The following GMDS variants were observed in gnomAD, a reference collection of about 807,000 sequenced individuals.
The protein encoded by GMDS is GDP-mannose 4,6-dehydratase.
GMDS carries 20 observed loss-of-function variants against 49.9 expected under a neutral mutation model. That is an observed-to-expected ratio of 0.40 (90% CI 0.28 to 0.58). GMDS has a LOEUF of 0.58. Among genes scored for constraint, GMDS ranks in the 20% least tolerant of loss-of-function variants. GMDS has a pLI of 0.42. For synonymous variants in GMDS, 177 were observed against 178.6 expected, an observed-to-expected ratio of 0.99 and a Z score of 0.07; for missense variants, 362 against 481.4, an observed-to-expected ratio of 0.75 and a Z score of 2.32.
chr6:1,880,284 CAAAAAAAAAAAA>C (rs34490393), intron 7 of GMDS, among the ~76,000 whole-genome samples: 6 of 59,112 alleles, frequency 1.0e-4, no homozygotes, highest in African/African-American at 2.9e-4. Context: ...CTCATTTCCA[CAAAAAAAAAAAA>C]AAAAAAAAAA....
chr6:1,858,175 C>T (rs1401007068), intron 7 of GMDS, among the ~76,000 whole-genome samples: 1 of 151,688 alleles, frequency 6.6e-6, no homozygotes, highest in African/African-American at 2.4e-5. Flanking sequence ...ATAAAACAGA[C>T]AAAAAAAGAA....
intron 7 of GMDS, among the ~76,000 whole-genome samples, chr6:1,886,396 T>A (rs1759608976): frequency 6.6e-6 from 1 of 152,186 alleles, no homozygotes; most frequent in Non-Finnish European, 1.5e-5. Flanking sequence ...AAACATAAAT[T>A]AGAGACCCAG....
At chr6:1,975,149 T>C (rs1764828661) in intron 4 of GMDS, among the ~76,000 whole-genome samples, 1 of 152,196 alleles carries the variant, frequency 6.6e-6, no homozygotes, top group African/African-American at 2.4e-5. Flanking sequence ...GCAACGTCTA[T>C]GGCAGCACAC....
At position 1,997,633 on chromosome 6, in the gene GMDS, C is replaced by A. The variant is rs532742564; in HGVS notation, c.346-36667G>T. On this transcript the variant is annotated intron_variant, in intron 4 of 10. Transcript: ENST00000380815. ...CCCTGTGGTGGCTTCCTAAAGGGAT[C>A]ATGATTCTTGTCTGTTCCCAGGAAA... Among the ~76,000 whole-genome samples, 4 of 151,968 alleles carry A rather than the reference C, an allele frequency of 2.6e-5. No individual in the cohort carries two copies. In the South Asian group the frequency reaches 8.3e-4, roughly 32 times the overall value.
At chr6:2,161,916 A>G (rs925050867) in intron 1 of GMDS, among the ~76,000 whole-genome samples, 4 of 152,252 alleles carry the variant, frequency 2.6e-5, no homozygotes, top group African/African-American at 9.6e-5. Flanking sequence ...AGTCACTGTC[A>G]ATAAACTCAA....
At chr6:2,135,325 C>T (rs1209734671) in intron 1 of GMDS, among the ~76,000 whole-genome samples, 1 of 152,104 alleles carries the variant, frequency 6.6e-6, no homozygotes, top group African/African-American at 2.4e-5. Context: ...CAACGTGCTA[C>T]TGTGTGTATT....
intron 9 of GMDS, among the ~76,000 whole-genome samples, chr6:1,719,164 A>G (rs974895084): frequency 6.6e-6 from 1 of 152,234 alleles, no homozygotes; most frequent in Non-Finnish European, 1.5e-5. Context: ...GATCAGAGCT[A>G]CTAAGTTGGG....
chr6:1,674,513 G>C (rs982761347), intron 9 of GMDS, among the ~76,000 whole-genome samples: 1 of 138,646 alleles, frequency 7.2e-6, no homozygotes. Context: ...TGGAGCAGAA[G>C]TTTTTAATTT....
chr6:2,244,661 A>T (rs1044037144), intron 1 of GMDS, among the ~76,000 whole-genome samples: 2 of 152,180 alleles, frequency 1.3e-5, no homozygotes, highest in East Asian at 3.9e-4. Flanking sequence ...TGAAAATGGA[A>T]CTAGCCGCAC....
At position 1,624,091 on chromosome 6, in the gene GMDS, C is replaced by T; in HGVS notation, c.*78G>A. 1 of 1,333,014 alleles carries T rather than the reference C, an allele frequency of 7.5e-7. No individual in the cohort carries two copies. The highest frequency in any genetic ancestry group is 1.1e-6 in the Non-Finnish European group (1 of 943,672). 82.6% of individuals were successfully genotyped at this position (1,333,014 alleles called of 1,614,324 possible). The stretch of plus-strand genomic sequence containing the variant: ...GGACCCGCAGATTGGCACGCCGCTC[C>T]CCATCCCCGCAGCGCGTCTGCACCG... On this transcript the variant is annotated 3_prime_UTR_variant, in exon 11 of 11. Coordinates refer to ENST00000380815, the MANE Select transcript of GMDS (RefSeq NM_001500.4).
intron 1 of GMDS, among the ~76,000 whole-genome samples, chr6:2,223,422 TGATCAGATG>T (rs1780683463): frequency 6.6e-6 from 1 of 150,640 alleles, no homozygotes. Flanking sequence ...CCATCTGACA[TGATCAGATG>T]GTCACTCCAG....
At chr6:1,976,411 C>T (rs1289661102) in intron 4 of GMDS, among the ~76,000 whole-genome samples, 3 of 152,182 alleles carry the variant, frequency 2.0e-5, no homozygotes, top group Non-Finnish European at 1.5e-5. Context: ...GTGCCTGGCA[C>T]ATAACGGGAA....
Position 2,191,243 on chromosome 6 carries a change from G to A in GMDS, c.102+54078C>T, listed in dbSNP as rs986000440. Reference sequence around the variant, plus strand: ...CCCGACCCGCTATCCGCTCCTGGAGGCACCCCCTGGGGAAGGGCCGCAAGC... The same window carrying A: ...CCCGACCCGCTATCCGCTCCTGGAGACACCCCCTGGGGAAGGGCCGCAAGC... On this transcript the variant is annotated intron_variant, in intron 1 of 10. Coordinates refer to ENST00000380815, the MANE Select transcript of GMDS (RefSeq NM_001500.4). The surrounding 1 kb of genome is among the most constrained non-coding windows in gnomAD (Gnocchi z 4.6). 1.3e-5 allele frequency among the ~76,000 whole-genome samples: 2 copies of A among 152,166 alleles called. No homozygotes were observed. Among genetic ancestry groups the A allele is most frequent in the African/African-American group, 4.8e-5 (2 of 41,434 alleles).
At chr6:1,733,487 G>A (rs1162754042) in intron 8 of GMDS, among the ~76,000 whole-genome samples, 3 of 152,192 alleles carry the variant, frequency 2.0e-5, no homozygotes, top group Admixed American at 2.0e-4. Flanking sequence ...CCCCGATTCT[G>A]AAGGGGCCTC....
intron 4 of GMDS, among the ~76,000 whole-genome samples, chr6:1,996,409 T>C (rs988999001): frequency 2.6e-5 from 4 of 152,166 alleles, no homozygotes; most frequent in African/African-American, 9.7e-5. Flanking sequence ...TCTTCTTCCC[T>C]GCTTTAGTAG....
At chr6:2,194,402 C>T (rs374172209) in intron 1 of GMDS, among the ~76,000 whole-genome samples, 14 of 152,208 alleles carry the variant, frequency 9.2e-5, no homozygotes, top group East Asian at 5.8e-4. Context: ...TCTTAAAGGT[C>T]GATTCCTCAT....
rs957239142 is a variant in GMDS at position 1,732,320 on chromosome 6, C to T, written c.891-5808G>A. Among the ~76,000 whole-genome samples the T allele has an allele frequency of 8.5e-5, 13 of 152,144 alleles. No individual in the cohort carries two copies. In the South Asian group the frequency reaches 1.0e-3, roughly 12 times the overall value. On this transcript the variant is annotated intron_variant, in intron 8 of 10. Coordinates refer to ENST00000380815, the MANE Select transcript of GMDS (RefSeq NM_001500.4). ...CCAGCCTGGTGACAGAGCGAGGCTC[C>T]GTCTCAACAAATAAACAAATAAAAA...
intron 9 of GMDS, among the ~76,000 whole-genome samples, chr6:1,718,293 T>A (rs1240646809): frequency 1.3e-5 from 2 of 152,100 alleles, no homozygotes; most frequent in Admixed American, 6.5e-5. Flanking sequence ...AGCACAGATA[T>A]CCCGAAGGCA....
intron 7 of GMDS, among the ~76,000 whole-genome samples, chr6:1,907,394 T>C (rs149200731): frequency 1.3e-5 from 2 of 152,320 alleles, no homozygotes; most frequent in African/African-American, 4.8e-5. Context: ...CAAAGCAAGA[T>C]ACTGAGACCT....
Sources: gnomAD v4.1 joint callset for allele counts (sites outside exome capture counted in the v4.1 genomes callset) on GRCh38, gnomAD v4.1.1 for gene constraint, Gnocchi (gnomAD v3.1) non-coding constraint, MANE v1.5 for transcripts, NCBI Gene and HGNC (gene_info 2026-07-23, HGNC 2026-07-21) for gene names.